DNAJC24: variants seen among roughly 807,000 people sequenced by gnomAD.
The protein encoded by DNAJC24 is DnaJ heat shock protein family (Hsp40) member C24, also known as dnaJ homolog subfamily C member 24.
Under a neutral mutation model 18.0 loss-of-function variants are expected in DNAJC24, and 17 were observed. The observed-to-expected ratio is 0.94, with a 90% CI of 0.65 to 1.42. The LOEUF is 1.42. Ranked by LOEUF, DNAJC24 falls within the 40% of genes most tolerant of loss-of-function variation. The pLI is 0.00. For missense variants in DNAJC24, 158 were observed against 175.6 expected (o/e 0.90, Z 0.57); for synonymous variants, 55 against 57.7 (o/e 0.95, Z 0.21).
At position 31,377,798 on chromosome 11, in the gene DNAJC24, G is replaced by A. The variant is rs201137987; in HGVS notation, c.111+6939G>A. On this transcript the variant is annotated intron_variant, in intron 2 of 4. Coordinates refer to ENST00000465995, the MANE Select transcript of DNAJC24 (RefSeq NM_181706.5). ...AATATTACAGGATACTTCTCAGTTG[G>A]AAAAGAGTTATTGTGTTGGAAAATT... 3.1e-3 allele frequency among the ~76,000 whole-genome samples: 467 copies of A among 152,166 alleles called. 2 individuals carry two copies. Among genetic ancestry groups the A allele is most frequent in the South Asian group, 6.8e-3 (33 of 4,824 alleles).
chr11:31,376,490 C>T (rs1036747787), intron 2 of DNAJC24, among the ~76,000 whole-genome samples: 20 of 152,088 alleles, frequency 1.3e-4, no homozygotes, highest in African/African-American at 4.3e-4. Flanking sequence ...ATTAGTAGCA[C>T]GTGTATTGTA....
intron 2 of DNAJC24, among the ~76,000 whole-genome samples, chr11:31,405,216 C>T (rs370936344): frequency 1.6e-4 from 25 of 151,518 alleles, no homozygotes; most frequent in African/African-American, 5.6e-4. Flanking sequence ...ATTACAGGCA[C>T]GTGCCACCAC....
chr11:31,419,895 C>G lies in DNAJC24; in HGVS notation c.250+4946C>G, dbSNP rs371874331. Among the ~76,000 whole-genome samples the G allele has an allele frequency of 5.9e-5, 9 of 152,158 alleles. No homozygotes were observed. In the East Asian group the frequency reaches 9.7e-4, roughly 16 times the overall value. On this transcript the variant is annotated intron_variant, in intron 3 of 4. Coordinates refer to ENST00000465995, the MANE Select transcript of DNAJC24 (RefSeq NM_181706.5). ...GTGTGAGCTTTTATTCTCACAACTA[C>G]CACAGTAGTCCATCCCCAGATTATA...
intron 2 of DNAJC24, among the ~76,000 whole-genome samples, chr11:31,379,446 T>G (rs563999660): frequency 6.6e-6 from 1 of 152,192 alleles, no homozygotes; most frequent in African/African-American, 2.4e-5. Flanking sequence ...AACTGGTCCC[T>G]GGTGCCAAAA....
In DNAJC24 at chr11:31,426,304, G is replaced by A. The variant is rs1952860425; in HGVS notation, c.268G>A (p.Val90Ile). The A allele has an allele frequency of 1.3e-5, 20 of 1,563,452 alleles. No homozygotes were observed. Among genetic ancestry groups the A allele is most frequent in the Non-Finnish European group, 1.7e-5 (20 of 1,155,226 alleles). ...LQRCEDDLRN[V>I]GPVDAQVYLE... ...TTTTACAGAAGATGATCTAAGAAAT[G>A]TAGGACCAGTAGATGCTCAAGTATA... The change falls in exon 4 of 5, where the codon GTA becomes ATA. Residue 90 changes from valine (V) to isoleucine (I), a missense_variant. By Grantham distance (29) the Val-to-Ile change is conservative. Coordinates refer to ENST00000465995, the MANE Select transcript of DNAJC24 (RefSeq NM_181706.5).
At chr11:31,420,969 T>C (rs1344040742) in intron 3 of DNAJC24, among the ~76,000 whole-genome samples, 1 of 152,186 alleles carries the variant, frequency 6.6e-6, no homozygotes, top group Non-Finnish European at 1.5e-5. Flanking sequence ...TGGGTTTACC[T>C]ACAGTTTATA....
intron 3 of DNAJC24, chr11:31,416,938 A>G (rs901283078): frequency 3.9e-5 from 6 of 152,156 alleles, no homozygotes; most frequent in South Asian, 4.1e-4. Flanking sequence ...CCTGTGGCCT[A>G]CTGTGTCACA....
At chr11:31,398,197 C>G (rs985077607) in intron 2 of DNAJC24, among the ~76,000 whole-genome samples, 2 of 151,856 alleles carry the variant, frequency 1.3e-5, no homozygotes, top group Admixed American at 6.6e-5. Flanking sequence ...TTATTAAATG[C>G]TTTATTTTTC....
chr11:31,430,428 A>T lies in DNAJC24; in HGVS notation c.*27A>T, dbSNP rs760400626. 1 of 1,591,750 alleles carries T rather than the reference A, an allele frequency of 6.3e-7. No homozygotes were observed. Among genetic ancestry groups the T allele is most frequent in the Non-Finnish European group, 8.6e-7 (1 of 1,166,314 alleles). On this transcript the variant is annotated 3_prime_UTR_variant, in exon 5 of 5. Coordinates refer to ENST00000465995, the MANE Select transcript of DNAJC24 (RefSeq NM_181706.5). ...ATTGTTCACAACTTGAAATGCTTTA[A>T]CTGTGGTATTGAGACATGATGAGAA...
intron 2 of DNAJC24, among the ~76,000 whole-genome samples, chr11:31,399,173 A>C (rs1374747379): frequency 6.6e-6 from 1 of 152,192 alleles, no homozygotes; most frequent in East Asian, 1.9e-4. Context: ...CATACAGGAC[A>C]GGGGTTATGC....
chr11:31,403,686 T>A lies in DNAJC24; in HGVS notation c.112-11125T>A, dbSNP rs564389348. Among the ~76,000 whole-genome samples, 5 of 152,286 alleles carry A rather than the reference T, an allele frequency of 3.3e-5. No homozygotes were observed. The South Asian group carries it at 1.0e-3, about 32-fold the overall frequency. On this transcript the variant is annotated intron_variant, in intron 2 of 4. Coordinates refer to ENST00000465995, the MANE Select transcript of DNAJC24 (RefSeq NM_181706.5). ...GTCTCCAGTTTCTTCTTATTTGAAG[T>A]CTGTGTACCAGCAGATTCATTTGGT...
chr11:31,413,534 G>A (rs956902090), intron 2 of DNAJC24, among the ~76,000 whole-genome samples: 1 of 151,758 alleles, frequency 6.6e-6, no homozygotes, highest in African/African-American at 2.4e-5. Context: ...GGGTTTCACT[G>A]TGTTAGCCAG....
intron 2 of DNAJC24, among the ~76,000 whole-genome samples, chr11:31,410,400 T>A (rs1952697196): frequency 6.6e-6 from 1 of 152,348 alleles, no homozygotes; most frequent in East Asian, 1.9e-4. Flanking sequence ...TATCATTGAT[T>A]TATAGGTTTT....
At chr11:31,385,126 T>C (rs1477770614) in intron 2 of DNAJC24, 1 of 152,200 alleles carries the variant, frequency 6.6e-6, no homozygotes, top group African/African-American at 2.4e-5. Flanking sequence ...TATCACAAAT[T>C]ATTCTAGATT....
intron 3 of DNAJC24, among the ~76,000 whole-genome samples, chr11:31,420,986 CCA>C (rs1200817670): frequency 6.6e-6 from 1 of 152,086 alleles, no homozygotes; most frequent in Non-Finnish European, 1.5e-5. Flanking sequence ...TATAAAAGCT[CCA>C]CAGTTATTCA....
Position 31,374,872 on chromosome 11 carries a change from CTT to C in DNAJC24, c.111+4014_111+4015del, listed in dbSNP as rs1952297486. On this transcript the variant is annotated intron_variant, in intron 2 of 4. Coordinates refer to ENST00000465995, the MANE Select transcript of DNAJC24 (RefSeq NM_181706.5). ...TCATTTATTGATGAATTTTCCATCT[CTT>C]CAAATTTTGGTGTCTTTTGCCTGTC... Among the ~76,000 whole-genome samples the C allele has an allele frequency of 1.5e-5, 2 of 135,240 alleles. 1 individual carries two copies. The highest frequency in any genetic ancestry group is 5.0e-5 in the African/African-American group (2 of 40,298). The allele number at this position is 135,240 out of a possible 152,430, so 88.7% of individuals were successfully genotyped here.
intron 2 of DNAJC24, among the ~76,000 whole-genome samples, chr11:31,380,323 T>C (rs1952364341): frequency 6.6e-6 from 1 of 152,130 alleles, no homozygotes; most frequent in South Asian, 2.1e-4. Flanking sequence ...CAAAATCGAG[T>C]AACATGCAAC....
At chr11:31,403,566 T>A (rs1262408410) in intron 2 of DNAJC24, among the ~76,000 whole-genome samples, 1 of 152,150 alleles carries the variant, frequency 6.6e-6, no homozygotes, top group African/African-American at 2.4e-5. Context: ...ATACTTGGGG[T>A]CAGCATAAAA....
intron 2 of DNAJC24, among the ~76,000 whole-genome samples, chr11:31,379,543 C>T (rs1245142128): frequency 1.3e-5 from 2 of 152,084 alleles, no homozygotes; most frequent in Non-Finnish European, 2.9e-5. Context: ...TTTGGCAACC[C>T]AAGATTGGTT....
Sources: allele counts gnomAD v4.1 joint callset (sites outside exome capture counted in the v4.1 genomes callset), GRCh38; gene constraint gnomAD v4.1.1; transcripts MANE v1.5; gene names NCBI Gene and HGNC (gene_info 2026-07-23, HGNC 2026-07-21).